Variants in TMEFF2 observed in about 807,000 individuals in gnomAD.
The protein encoded by TMEFF2 is tomoregulin-2.
A neutral mutation model predicts 53.8 loss-of-function variants in TMEFF2; 28 were observed. The ratio of observed to expected loss-of-function variants is 0.52; its 90% confidence interval spans 0.39 to 0.71. The LOEUF is 0.71. Among genes scored for constraint, TMEFF2 ranks in the 30% least tolerant of loss-of-function variants. The pLI is 0.00. For synonymous variants in TMEFF2, 162 were observed against 166.3 expected, an observed-to-expected ratio of 0.97 and a Z score of 0.20; for missense variants, 353 against 455.2, an observed-to-expected ratio of 0.78 and a Z score of 2.04.
At chr2:192,114,157 C>A in intron 4 of TMEFF2, among the ~76,000 whole-genome samples, 3 of 140,958 alleles carry the variant, frequency 2.1e-5, no homozygotes, top group Admixed American at 7.1e-5. Context: ...AGCACAAAAC[C>A]CAAAAGAAAA....
At chr2:192,137,353 G>A (rs1056229735) in intron 4 of TMEFF2, among the ~76,000 whole-genome samples, 3 of 152,282 alleles carry the variant, frequency 2.0e-5, no homozygotes, top group South Asian at 4.1e-4. Context: ...AAAAGTCCAG[G>A]GCACAACACA....
chr2:191,972,308 C>CCT lies in TMEFF2; in HGVS notation c.746-15931_746-15930insAG, dbSNP rs1692669457. On this transcript the variant is annotated intron_variant, in intron 7 of 9. Transcript: ENST00000272771. Reference sequence around the variant, plus strand: ...TACAGGCACCCACCATCATGCCCAGCTTTTTTTTTTTTTTTTTTTTTTTTT... The same window carrying CCT: ...TACAGGCACCCACCATCATGCCCAGCCTTTTTTTTTTTTTTTTTTTTTTTTTT... Among the ~76,000 whole-genome samples the CCT allele has an allele frequency of 6.0e-4, 44 of 72,802 alleles. 1 individual carries two copies. The highest frequency in any genetic ancestry group is 2.5e-3 in the African/African-American group (42 of 16,638). The allele number at this position is 72,802 out of a possible 152,430, so 47.8% of individuals were successfully genotyped here.
At chr2:192,190,579 T>C (rs1691438316) in intron 2 of TMEFF2, among the ~76,000 whole-genome samples, 1 of 152,158 alleles carries the variant, frequency 6.6e-6, no homozygotes, top group Non-Finnish European at 1.5e-5. Flanking sequence ...CAAGAATATG[T>C]TTCTGACACT....
chr2:192,124,336 C>G (rs1386322647), intron 4 of TMEFF2, among the ~76,000 whole-genome samples: 1 of 152,224 alleles, frequency 6.6e-6, no homozygotes, highest in Non-Finnish European at 1.5e-5. Context: ...ATATCCAACT[C>G]TTTCTCAGCC....
chr2:191,990,436 T>TGTG (rs1553510906), intron 7 of TMEFF2, among the ~76,000 whole-genome samples: 1 of 148,960 alleles, frequency 6.7e-6, no homozygotes, highest in African/African-American at 2.5e-5. Context: ...TGTGTGTGTG[T>TGTG]TGTTTTTGTT....
intron 5 of TMEFF2, among the ~76,000 whole-genome samples, chr2:192,050,356 G>C (rs56407016): frequency 6.6e-6 from 1 of 152,110 alleles, no homozygotes; most frequent in Non-Finnish European, 1.5e-5. Context: ...AGATTCTCTA[G>C]AATTTATGTG....
chr2:192,149,768 A>T (rs942018352), intron 4 of TMEFF2, among the ~76,000 whole-genome samples: 3 of 151,984 alleles, frequency 2.0e-5, no homozygotes, highest in African/African-American at 7.2e-5. Context: ...CTAAAGACAG[A>T]AGAGTGTAAT....
intron 7 of TMEFF2, among the ~76,000 whole-genome samples, chr2:191,997,075 A>C (rs1017352182): frequency 6.6e-6 from 1 of 151,974 alleles, no homozygotes; most frequent in African/African-American, 2.4e-5. Flanking sequence ...TGTCTGTATG[A>C]GCTCTTCCAA....
intron 5 of TMEFF2, among the ~76,000 whole-genome samples, chr2:192,021,167 C>T (rs1483315136): frequency 6.6e-6 from 1 of 152,082 alleles, no homozygotes; most frequent in Non-Finnish European, 1.5e-5. Flanking sequence ...CAATACTACT[C>T]TGGGGTTGAG....
rs141141179 is a variant in TMEFF2, at chr2:192,112,547, C to T, written c.440-54772G>A. 6.2e-4 allele frequency among the ~76,000 whole-genome samples: 94 copies of T among 152,200 alleles called. 1 individual carries two copies. Among genetic ancestry groups the T allele is most frequent in the African/African-American group, 1.9e-3 (79 of 41,536 alleles). ...AGATGGAGGGGACTTGCCTTGTCTC[C>T]GATGAGACTTTGGACTCTGGGCTTC... On this transcript the variant is annotated intron_variant, in intron 4 of 9. Transcript: ENST00000272771.
intron 4 of TMEFF2, among the ~76,000 whole-genome samples, chr2:192,145,605 C>T (rs547021703): frequency 4.6e-5 from 7 of 152,022 alleles, no homozygotes; most frequent in Admixed American, 4.6e-4. Flanking sequence ...GATGGCTCTT[C>T]TGCATAATTG....
In TMEFF2 at chr2:192,075,332, T is replaced by TATATATATATAC. The variant is rs796267672; in HGVS notation, c.440-17558_440-17557insGTATATATATAT. Reference sequence around the variant, plus strand: ...ATATATATATATATATATATATATATACATACATACTATGTATATCCTTGC... The same window carrying TATATATATATAC: ...ATATATATATATATATATATATATATATATATATATACACATACATACTATGTATATCCTTGC... On this transcript the variant is annotated intron_variant, in intron 4 of 9. Coordinates refer to ENST00000272771, the MANE Select transcript of TMEFF2 (RefSeq NM_016192.4). Among the ~76,000 whole-genome samples, 261 of 88,128 alleles carry TATATATATATAC rather than the reference T, an allele frequency of 3.0e-3. 10 individuals are homozygous for TATATATATATAC. In the Middle Eastern group the frequency reaches 0.032, roughly 11 times the overall value. 57.8% of individuals were successfully genotyped at this position (88,128 alleles called of 152,430 possible). A position where few individuals can be genotyped will look rare whatever the true frequency, so the allele number is the denominator to read the frequency against.
intron 4 of TMEFF2, among the ~76,000 whole-genome samples, chr2:192,091,789 A>G (rs1688795643): frequency 6.6e-6 from 1 of 152,096 alleles, no homozygotes; most frequent in Non-Finnish European, 1.5e-5. Flanking sequence ...ATTAAAAGCT[A>G]TGAACTGCTA....
chr2:192,117,969 TTTCA>T (rs548344223), intron 4 of TMEFF2, among the ~76,000 whole-genome samples: 3 of 151,544 alleles, frequency 2.0e-5, no homozygotes, highest in Non-Finnish European at 4.4e-5. Context: ...GGTGCTTTTC[TTTCA>T]TTGCTTTGTT....
intron 5 of TMEFF2, among the ~76,000 whole-genome samples, chr2:192,037,293 GAAAGAAAGAAA>G (rs1559096387): frequency 3.8e-5 from 5 of 130,234 alleles, no homozygotes; most frequent in Middle Eastern, 3.6e-3. Context: ...AAGAAAGAAA[GAAAGAAAGAAA>G]GAAAGAAAGA....
At chr2:192,037,329 GAAAGAAAAA>G (rs1559096538) in intron 5 of TMEFF2, among the ~76,000 whole-genome samples, 4 of 145,770 alleles carry the variant, frequency 2.7e-5, no homozygotes, top group South Asian at 2.2e-4. Context: ...AAGAAAGAAA[GAAAGAAAAA>G]CAGAAAACAG....
chr2:192,073,754 T>C (rs1688346269), intron 4 of TMEFF2, among the ~76,000 whole-genome samples: 1 of 152,010 alleles, frequency 6.6e-6, no homozygotes, highest in African/African-American at 2.4e-5. Flanking sequence ...CAATGTATAA[T>C]ACATTAACCA....
At chr2:192,151,858 G>A (rs1690396289) in intron 4 of TMEFF2, among the ~76,000 whole-genome samples, 4 of 151,796 alleles carry the variant, frequency 2.6e-5, no homozygotes, top group African/African-American at 9.7e-5. Flanking sequence ...CATTACTAGT[G>A]GGCATGCACC....
intron 5 of TMEFF2, among the ~76,000 whole-genome samples, chr2:192,045,223 A>G (rs2105889893): frequency 6.6e-6 from 1 of 152,320 alleles, no homozygotes; most frequent in Admixed American, 6.5e-5. Context: ...CTCAAGGACA[A>G]TGGTGAAGAA....
Sources: gnomAD v4.1 joint callset for allele counts (sites outside exome capture counted in the v4.1 genomes callset) on GRCh38, gnomAD v4.1.1 for gene constraint, MANE v1.5 for transcripts, NCBI Gene and HGNC (gene_info 2026-07-23, HGNC 2026-07-21) for gene names.